PCDHGA10: variants seen among roughly 807,000 people sequenced by gnomAD.
The protein encoded by PCDHGA10 is protocadherin gamma subfamily A, 10.
PCDHGA10 carries 42 observed loss-of-function variants against 59.5 expected under a neutral mutation model. The observed-to-expected ratio is 0.71, with a 90% confidence interval of 0.55 to 0.91. PCDHGA10 has a LOEUF of 0.91. PCDHGA10 is among the 40% of genes least tolerant of loss of function. PCDHGA10 has a pLI of 0.00. For missense variants in PCDHGA10, 1,111 were observed against 1,198.2 expected, an observed-to-expected ratio of 0.93 and a Z score of 1.07; for synonymous variants, 511 against 517.2, an observed-to-expected ratio of 0.99 and a Z score of 0.16.
In PCDHGA10 at chr5:141,423,740, GA is replaced by G. The variant is rs778655137; in HGVS notation, c.2436+8133del. 7 of 698,952 alleles carry G rather than the reference GA, an allele frequency of 1.0e-5. No individual in the cohort carries two copies. The African/African-American group carries it at 1.9e-4, about 19-fold the overall frequency. The allele number at this position is 698,952 out of a possible 1,614,324, so 43.3% of individuals were successfully genotyped here. ...AGGAGATGTTTTTTGAGCCTGTTAT[GA>G]AAACTGTTTGGGGGGGGGGTGGGGC... On this transcript the variant is annotated intron_variant, in intron 1 of 3. Coordinates refer to ENST00000398610, the MANE Select transcript of PCDHGA10 (RefSeq NM_018913.3).
At chr5:141,457,568 T>A (rs1397626206) in intron 1 of PCDHGA10, among the ~76,000 whole-genome samples, 1 of 152,190 alleles carries the variant, frequency 6.6e-6, no homozygotes, top group African/African-American at 2.4e-5. Context: ...TGGAGCAAAA[T>A]TTTTCTCTCC....
chr5:141,423,201 C>G, intron 1 of PCDHGA10: 1 of 1,613,628 alleles, frequency 6.2e-7, no homozygotes, highest in Non-Finnish European at 8.5e-7. Context: ...TCTCGGCCAC[C>G]GTCACGCTCA....
intron 1 of PCDHGA10, chr5:141,420,902 A>T (rs1202945278): frequency 3.4e-6 from 1 of 293,976 alleles, no homozygotes; most frequent in Non-Finnish European, 6.3e-6. Context: ...TAAGCTCTAC[A>T]AATACGTGTG....
intron 1 of PCDHGA10, among the ~76,000 whole-genome samples, chr5:141,466,008 G>C (rs1298363274): frequency 6.6e-6 from 1 of 151,970 alleles, no homozygotes; most frequent in Non-Finnish European, 1.5e-5. Flanking sequence ...TGTAGTCCCA[G>C]CTACTCGGGA....
At chr5:141,464,685 C>A (rs1283627323) in intron 1 of PCDHGA10, among the ~76,000 whole-genome samples, 1 of 152,006 alleles carries the variant, frequency 6.6e-6, no homozygotes, top group Non-Finnish European at 1.5e-5. Flanking sequence ...ATTAAAATTT[C>A]TCTTATTATG....
intron 1 of PCDHGA10, among the ~76,000 whole-genome samples, chr5:141,457,293 T>A (rs2098916185): frequency 6.6e-6 from 1 of 152,226 alleles, no homozygotes; most frequent in Admixed American, 6.5e-5. Context: ...TTCCTTGGTT[T>A]TATTTTCCCA....
rs762662380 is a variant in PCDHGA10, at chr5:141,419,561, G to A, written c.2436+3950G>A. 9 of 1,611,728 alleles carry A rather than the reference G, an allele frequency of 5.6e-6. No individual in the cohort carries two copies. The Admixed American group carries it at 1.2e-4, about 21-fold the overall frequency. The stretch of plus-strand genomic sequence containing the variant: ...ACCGCGGGTGCTGTACCCTGCGCTG[G>A]GTCCCGACGGCTCCGCGCTCTTCGA... On this transcript the variant is annotated intron_variant, in intron 1 of 3. Coordinates refer to ENST00000398610, the MANE Select transcript of PCDHGA10 (RefSeq NM_018913.3).
intron 1 of PCDHGA10, among the ~76,000 whole-genome samples, chr5:141,435,462 T>G (rs1206913100): frequency 6.6e-6 from 1 of 152,230 alleles, no homozygotes; most frequent in Non-Finnish European, 1.5e-5. Flanking sequence ...TGTATGTGTT[T>G]CCAAGTTAGA....
Position 141,421,691 on chromosome 5 carries a change from T to A in PCDHGA10, c.2436+6080T>A, listed in dbSNP as rs1175919580. ...GCAATTCCTGGGGCGCGATTTGCTC[T>A]TCCTAATGCTAGGGATCCAGATGTG... On this transcript the variant is annotated intron_variant, in intron 1 of 3. Coordinates refer to ENST00000398610, the MANE Select transcript of PCDHGA10 (RefSeq NM_018913.3). 6.2e-7 allele frequency: 1 copy of A among 1,613,816 alleles called. No individual in the cohort carries two copies. The highest frequency in any genetic ancestry group is 1.3e-5 in the African/African-American group (1 of 74,938).
intron 1 of PCDHGA10, among the ~76,000 whole-genome samples, chr5:141,455,904 TTTATTTA>T: frequency 6.8e-6 from 1 of 147,982 alleles, no homozygotes. Flanking sequence ...TATTTATTTA[TTTATTTA>T]TTTTGAGACG....
chr5:141,415,101 C>T lies in PCDHGA10; in HGVS notation c.1926C>T (p.Leu642=). The change falls in exon 1 of 4, where the codon CTC becomes CTT. Residue 642 remains leucine, a synonymous_variant. Transcript: ENST00000398610. Reference sequence around the variant, plus strand: ...GAGCCCTGCTGGACAGAGACGCGCTCAAGCAAAGCCTCGTAGTGGCCGTCC... The same window carrying T: ...GAGCCCTGCTGGACAGAGACGCGCTTAAGCAAAGCCTCGTAGTGGCCGTCC... ...TARALLDRDA[L]KQSLVVAVQD... 6.2e-7 allele frequency: 1 copy of T among 1,613,550 alleles called. No homozygotes were observed. Among genetic ancestry groups the T allele is most frequent in the South Asian group, 1.1e-5 (1 of 91,074 alleles).
chr5:141,472,751 G>A (rs1000022316), intron 1 of PCDHGA10, among the ~76,000 whole-genome samples: 5 of 151,850 alleles, frequency 3.3e-5, no homozygotes, highest in East Asian at 3.9e-4. Flanking sequence ...TTTGGGAGGC[G>A]GAGGCTGGCA....
chr5:141,413,909 T>C lies in PCDHGA10; in HGVS notation c.734T>C (p.Val245Ala). 1.2e-6 allele frequency: 2 copies of C among 1,613,316 alleles called. No individual in the cohort carries two copies. Among genetic ancestry groups the C allele is most frequent in the Non-Finnish European group, 1.7e-6 (2 of 1,179,866 alleles). ...TVFDANDNAP[V>A]FTLPEYRVSV... ...TTCGATGCAAATGACAACGCGCCGG[T>C]CTTCACCTTGCCAGAATACCGAGTG... The change falls in exon 1 of 4, where the codon GTC (valine) becomes GCC (alanine). Residue 245 changes from valine (V) to alanine (A), a missense_variant. Val to Ala is a moderately conservative substitution (Grantham distance 64). Coordinates refer to ENST00000398610, the MANE Select transcript of PCDHGA10 (RefSeq NM_018913.3).
At position 141,432,579 on chromosome 5, in the gene PCDHGA10, G is replaced by A. The variant is rs769224543; in HGVS notation, c.2436+16968G>A. 6.2e-7 allele frequency: 1 copy of A among 1,613,860 alleles called. No homozygotes were observed. Among genetic ancestry groups the A allele is most frequent in the Non-Finnish European group, 8.5e-7 (1 of 1,179,984 alleles). On this transcript the variant is annotated intron_variant, in intron 1 of 3. Transcript: ENST00000398610. The surrounding 1 kb of genome is among the most constrained non-coding windows in gnomAD (Gnocchi z 6.0). ...GGCCAGAACGCCTGGCTGTCCTACC[G>A]TCTGCTCAAGGCCAGCGAGCCGGGA...
At position 141,490,502 on chromosome 5, in the gene PCDHGA10, T is replaced by C. The variant is rs1408615048; in HGVS notation, c.2437-4305T>C. On this transcript the variant is annotated intron_variant, in intron 1 of 3. Transcript: ENST00000398610. The surrounding 1 kb of genome is among the most constrained non-coding windows in gnomAD (Gnocchi z 5.4). Reference sequence around the variant, plus strand: ...GACCGGGAGGCCACATCCCACTATATCATCGAGCTGCTGGCCAGCGATGCT... The same window carrying C: ...GACCGGGAGGCCACATCCCACTATACCATCGAGCTGCTGGCCAGCGATGCT... 1.2e-6 allele frequency: 2 copies of C among 1,614,094 alleles called. No individual in the cohort carries two copies. The highest frequency in any genetic ancestry group is 1.1e-5 in the South Asian group (1 of 91,076).
intron 1 of PCDHGA10, among the ~76,000 whole-genome samples, chr5:141,469,808 A>C (rs1253675252): frequency 2.0e-5 from 3 of 152,174 alleles, no homozygotes; most frequent in Admixed American, 6.5e-5. Flanking sequence ...AAAACATTGT[A>C]GATAGAATGG....
At chr5:141,461,507 T>C (rs1271911872) in intron 1 of PCDHGA10, among the ~76,000 whole-genome samples, 1 of 152,316 alleles carries the variant, frequency 6.6e-6, no homozygotes, top group East Asian at 1.9e-4. Context: ...TTCTTGGTGA[T>C]TTGTTAGTTC....
At chr5:141,428,255 G>C in intron 1 of PCDHGA10, 1 of 875,580 alleles carries the variant, frequency 1.1e-6, no homozygotes, top group Non-Finnish European at 1.8e-6. Flanking sequence ...CCAGACTTCA[G>C]TGACAGTCCT....
rs756330109 is a variant in PCDHGA10, at chr5:141,432,621, T to A, written c.2436+17010T>A. ...GAGCCGGGACTCTTCTCGGTGGGTC[T>A]GCACACGGGCGAGGTGCGCACGGCG... On this transcript the variant is annotated intron_variant, in intron 1 of 3. Transcript: ENST00000398610. This position sits in a 1 kb window ranked among gnomAD's most constrained non-coding sequence, Gnocchi z 6.0. The A allele has an allele frequency of 3.1e-6, 5 of 1,612,942 alleles. No homozygotes were observed. Among genetic ancestry groups the A allele is most frequent in the Admixed American group, 1.7e-5 (1 of 59,962 alleles).
Sources: allele counts gnomAD v4.1 joint callset (sites outside exome capture counted in the v4.1 genomes callset), GRCh38; gene constraint gnomAD v4.1.1; non-coding constraint Gnocchi (gnomAD v3.1); transcripts MANE v1.5; gene names NCBI Gene and HGNC (gene_info 2026-07-23, HGNC 2026-07-21).